The following WWP2 variants were observed in gnomAD, a reference collection of about 807,000 sequenced individuals.
WWP2 encodes the protein WW domain containing E3 ubiquitin protein ligase 2, also known as NEDD4-like E3 ubiquitin-protein ligase WWP2.
In WWP2, 57 loss-of-function variants were observed where a neutral mutation model predicts 121.0. The observed-to-expected ratio is 0.47, with a 90% CI of 0.38 to 0.59. The LOEUF (loss-of-function observed/expected upper bound fraction) is 0.59. WWP2 is among the 20% of genes least tolerant of loss of function. The probability of loss-of-function intolerance (pLI) is 0.00; values close to 1 mark genes in which losing one functional copy is unlikely to be tolerated. For missense variants in WWP2, 962 were observed against 1,158.9 expected (o/e 0.83, Z 2.47); for synonymous variants, 449 against 441.3 (o/e 1.02, Z -0.22).
At chr16:69,876,871 A>C (rs2057744826) in intron 7 of WWP2, among the ~76,000 whole-genome samples, 1 of 152,178 alleles carries the variant, frequency 6.6e-6, no homozygotes, top group South Asian at 2.1e-4. Flanking sequence ...AGGTCTCAAC[A>C]GTGGGCTTAA....
At chr16:69,879,418 C>A (rs1362982734) in intron 7 of WWP2, among the ~76,000 whole-genome samples, 1 of 151,988 alleles carries the variant, frequency 6.6e-6, no homozygotes, top group Non-Finnish European at 1.5e-5. Context: ...CCATGGTGAC[C>A]CCTATTCTCC....
At chr16:69,815,085 C>T (rs541943532) in intron 4 of WWP2, among the ~76,000 whole-genome samples, 6 of 152,178 alleles carry the variant, frequency 3.9e-5, no homozygotes, top group African/African-American at 9.6e-5. Flanking sequence ...TCACTGCAAC[C>T]TTCGCTTCCT....
intron 7 of WWP2, among the ~76,000 whole-genome samples, chr16:69,880,407 T>C (rs1010499638): frequency 6.6e-6 from 1 of 152,168 alleles, no homozygotes; most frequent in Non-Finnish European, 1.5e-5. Context: ...AGAGCTAGTT[T>C]TGCCTTTTTT....
intron 8 of WWP2, among the ~76,000 whole-genome samples, chr16:69,902,322 G>T (rs970746907): frequency 1.8e-4 from 27 of 152,296 alleles, no homozygotes; most frequent in African/African-American, 6.0e-4. Flanking sequence ...TTGGAACATG[G>T]TTCATATACA....
At chr16:69,819,235 T>A (rs948645606) in intron 4 of WWP2, among the ~76,000 whole-genome samples, 1 of 152,222 alleles carries the variant, frequency 6.6e-6, no homozygotes, top group African/African-American at 2.4e-5. Context: ...GTTGTCTTCC[T>A]ATGGAACGGT....
intron 1 of WWP2, among the ~76,000 whole-genome samples, chr16:69,784,930 T>G (rs973327304): frequency 1.3e-5 from 2 of 152,064 alleles, no homozygotes; most frequent in Non-Finnish European, 2.9e-5. Context: ...TGAGTTTTTT[T>G]TTTTTTTAAA....
chr16:69,916,084 G>C (rs1333240389), intron 9 of WWP2, among the ~76,000 whole-genome samples: 1 of 151,920 alleles, frequency 6.6e-6, no homozygotes, highest in East Asian at 1.9e-4. Flanking sequence ...AAAATCACTA[G>C]TTTAGACAAA....
At chr16:69,827,592 C>G (rs2056725029) in intron 4 of WWP2, among the ~76,000 whole-genome samples, 1 of 152,240 alleles carries the variant, frequency 6.6e-6, no homozygotes, top group Non-Finnish European at 1.5e-5. Context: ...TAAGAGGACT[C>G]CTACATTTTG....
chr16:69,783,594 G>T (rs2055711630), intron 1 of WWP2, among the ~76,000 whole-genome samples: 1 of 151,944 alleles, frequency 6.6e-6, no homozygotes, highest in African/African-American at 2.4e-5. Flanking sequence ...AAATGGGAAG[G>T]CAGGGAGAGA....
At position 69,919,498 on chromosome 16, in the gene WWP2, G is replaced by T. The variant is rs62053261; in HGVS notation, c.1179+1615G>T. On this transcript the variant is annotated intron_variant, in intron 10 of 23. Coordinates refer to ENST00000359154, the MANE Select transcript of WWP2 (RefSeq NM_001270454.2). ...TAAATTTTCTCGTCCAGAATTGTGGGTGCTCTGGTTTCAAACTAACTGCCT... is the reference window on the plus strand; with the variant it reads ...TAAATTTTCTCGTCCAGAATTGTGGTTGCTCTGGTTTCAAACTAACTGCCT... 2.9e-3 allele frequency among the ~76,000 whole-genome samples: 440 copies of T among 152,172 alleles called. 1 individual carries two copies. The highest frequency in any genetic ancestry group is 4.2e-3 in the Non-Finnish European group (285 of 67,996).
intron 2 of WWP2, among the ~76,000 whole-genome samples, chr16:69,795,596 T>C (rs564018811): frequency 6.6e-6 from 1 of 151,440 alleles, no homozygotes; most frequent in South Asian, 2.1e-4. Context: ...GAGTATACAG[T>C]ATTTATTGTT....
intron 10 of WWP2, among the ~76,000 whole-genome samples, chr16:69,923,000 C>T (rs189263166): frequency 2.0e-5 from 3 of 152,180 alleles, no homozygotes; most frequent in Admixed American, 2.0e-4. Context: ...AGCGATTATC[C>T]TGCCTCAGCC....
chr16:69,894,400 T>C (rs2058077644), intron 8 of WWP2, among the ~76,000 whole-genome samples: 2 of 152,156 alleles, frequency 1.3e-5, no homozygotes, highest in Non-Finnish European at 1.5e-5. Flanking sequence ...TTTTGAAATA[T>C]GCAGCAGATG....
chr16:69,840,234 A>G lies in WWP2; in HGVS notation c.449A>G (p.Asn150Ser). ...FLDGPTVDLG[N>S]VPNGSALTDG... ...GACGGGCCAACTGTTGATCTGGGAA[A>G]TGTGCCTAATGGCAGTGCCCTGACA... is the stretch of plus-strand genomic sequence containing the variant. The change falls in exon 5 of 24, where the codon AAT becomes AGT. Residue 150 changes from asparagine (N) to serine (S), a missense_variant. Transcript: ENST00000359154. 7 of 1,600,796 alleles carry G rather than the reference A, an allele frequency of 4.4e-6. No individual in the cohort carries two copies. Among genetic ancestry groups the G allele is most frequent in the South Asian group, 2.2e-5 (2 of 90,896 alleles).
intron 6 of WWP2, among the ~76,000 whole-genome samples, chr16:69,870,147 G>A (rs913572052): frequency 6.6e-6 from 1 of 152,084 alleles, no homozygotes; most frequent in African/African-American, 2.4e-5. Flanking sequence ...GTAAAGCGGG[G>A]ATAATAATAT....
At chr16:69,928,532 C>G (rs2058669708) in intron 11 of WWP2, among the ~76,000 whole-genome samples, 1 of 152,134 alleles carries the variant, frequency 6.6e-6, no homozygotes, top group African/African-American at 2.4e-5. Context: ...AGAGATTGTT[C>G]AGAGCAGAGG....
In WWP2 at chr16:69,859,438, C is replaced by T. The variant is rs561350280; in HGVS notation, c.576-12366C>T. On this transcript the variant is annotated intron_variant, in intron 6 of 23. Transcript: ENST00000359154. ...GGCATGGTGGCGCATGCCTGTCATC[C>T]CGGTTACTCAGGAGGCTGAGGCGGG... is the stretch of plus-strand genomic sequence containing the variant. Among the ~76,000 whole-genome samples the T allele has an allele frequency of 2.6e-5, 4 of 152,202 alleles. No homozygotes were observed. In the South Asian group the frequency reaches 8.3e-4, roughly 32 times the overall value.
intron 6 of WWP2, among the ~76,000 whole-genome samples, chr16:69,845,411 T>A (rs2057053407): frequency 6.6e-6 from 1 of 152,254 alleles, no homozygotes; most frequent in South Asian, 2.1e-4. Context: ...TTTGCTGTCC[T>A]TGCTTTCTGG....
At chr16:69,856,515 G>A (rs1197679174) in intron 6 of WWP2, among the ~76,000 whole-genome samples, 2 of 152,254 alleles carry the variant, frequency 1.3e-5, no homozygotes, top group South Asian at 4.1e-4. Context: ...GGTGGCTCAC[G>A]CCTGTAATCC....
Sources: gnomAD v4.1 joint callset for allele counts (sites outside exome capture counted in the v4.1 genomes callset) on GRCh38, gnomAD v4.1.1 for gene constraint, MANE v1.5 for transcripts, NCBI Gene and HGNC (gene_info 2026-07-23, HGNC 2026-07-21) for gene names.